IFT81: variants seen among roughly 807,000 people sequenced by gnomAD.
IFT81 encodes the protein intraflagellar transport 81, also known as intraflagellar transport protein 81 homolog.
IFT81 carries 72 observed loss-of-function variants against 102.6 expected under a neutral mutation model. The ratio of observed to expected loss-of-function variants is 0.70; its 90% CI spans 0.58 to 0.85. The LOEUF (loss-of-function observed/expected upper bound fraction) is 0.85, where lower values mean the gene tolerates loss of function less well. Among genes scored for constraint, IFT81 ranks in the 40% least tolerant of loss-of-function variants. The pLI is 0.00. For missense variants in IFT81, 723 were observed against 787.3 expected, an observed-to-expected ratio of 0.92 and a Z score of 0.98; for synonymous variants, 237 against 242.7, an observed-to-expected ratio of 0.98 and a Z score of 0.22.
At chr12:110,185,460 G>T (rs890278786) in intron 12 of IFT81, among the ~76,000 whole-genome samples, 3 of 151,992 alleles carry the variant, frequency 2.0e-5, no homozygotes, top group African/African-American at 7.3e-5. Flanking sequence ...AAAGTGCTGG[G>T]ATTACAGGTG....
rs59046016 is a variant in IFT81, at chr12:110,211,482, C to T, written c.1848+2266C>T. On this transcript the variant is annotated intron_variant, in intron 18 of 18. Transcript: ENST00000242591. ...CTAGGATTACAGACATGAGCCACCT[C>T]GTCTGGCCTTAGTTAACTTTTATAA... is the stretch of plus-strand genomic sequence containing the variant. 1.4e-3 allele frequency among the ~76,000 whole-genome samples: 210 copies of T among 152,240 alleles called. 1 individual carries two copies. The highest frequency in any genetic ancestry group is 4.9e-3 in the African/African-American group (204 of 41,534).
chr12:110,200,773 C>T (rs1266265131), intron 14 of IFT81, among the ~76,000 whole-genome samples: 1 of 151,892 alleles, frequency 6.6e-6, no homozygotes, highest in East Asian at 1.9e-4. Flanking sequence ...CATAGTGAAA[C>T]CCCATTTCTA....
chr12:110,152,111 C>A (rs1225919811), intron 10 of IFT81, among the ~76,000 whole-genome samples: 1 of 152,128 alleles, frequency 6.6e-6, no homozygotes. Flanking sequence ...GCTGCAATGA[C>A]CATGTAAATG....
At chr12:110,180,355 T>C in intron 11 of IFT81, 67 bp from the exon 12 acceptor site, 1 of 967,482 alleles carries the variant, frequency 1.0e-6, no homozygotes, top group Non-Finnish European at 1.5e-6. Flanking sequence ...ATTGAGTTTA[T>C]ACAGATGTAT....
At chr12:110,143,573 C>T in intron 9 of IFT81, 28 bp downstream of exon 9, 3 of 1,507,974 alleles carry the variant, frequency 2.0e-6, no homozygotes, top group Non-Finnish European at 2.7e-6. Flanking sequence ...TTTTATAGCT[C>T]TCAATTTTAT....
chr12:110,164,984 T>C (rs1349112256), intron 11 of IFT81, among the ~76,000 whole-genome samples: 1 of 152,154 alleles, frequency 6.6e-6, no homozygotes, highest in Non-Finnish European at 1.5e-5. Flanking sequence ...AATTCAGTGT[T>C]AGATGTTCCC....
At chr12:110,153,789 G>C (rs901436618) in intron 10 of IFT81, among the ~76,000 whole-genome samples, 1 of 143,872 alleles carries the variant, frequency 7.0e-6, no homozygotes, top group East Asian at 2.2e-4. Context: ...TTTTATTTTT[G>C]GTAGACACAG....
intron 3 of IFT81, 63 bp downstream of exon 3, chr12:110,128,212 C>A: frequency 1.0e-6 from 1 of 973,968 alleles, no homozygotes; most frequent in Non-Finnish European, 1.6e-6. Context: ...CCTTCATATA[C>A]TGCAATCAAT....
At chr12:110,200,925 G>A (rs1898233633) in intron 14 of IFT81, among the ~76,000 whole-genome samples, 8 of 151,746 alleles carry the variant, frequency 5.3e-5, no homozygotes. Context: ...ACTCCAGCCT[G>A]GGCGACAGAG....
At chr12:110,191,158 A>G in intron 13 of IFT81, 110 bp downstream of exon 13, 1 of 925,260 alleles carries the variant, frequency 1.1e-6, no homozygotes. Flanking sequence ...TGCACATTAC[A>G]TTCTTTCATC....
At chr12:110,192,093 C>T (rs1282082357) in intron 13 of IFT81, among the ~76,000 whole-genome samples, 2 of 151,786 alleles carry the variant, frequency 1.3e-5, no homozygotes, top group Non-Finnish European at 2.9e-5. Context: ...ATCACTTTAA[C>T]CTGGGAAGCA....
chr12:110,142,597 G>A (rs1894959869), intron 8 of IFT81, among the ~76,000 whole-genome samples: 1 of 151,918 alleles, frequency 6.6e-6, no homozygotes, highest in African/African-American at 2.4e-5. Flanking sequence ...TGGGTACAGT[G>A]TAATCCCAGA....
At chr12:110,199,381 T>A (rs1157363089) in intron 14 of IFT81, among the ~76,000 whole-genome samples, 1 of 152,184 alleles carries the variant, frequency 6.6e-6, no homozygotes, top group Non-Finnish European at 1.5e-5. Context: ...TCAGTTTTTC[T>A]GTTTTAGAAA....
At chr12:110,179,066 G>A (rs1012166376) in intron 11 of IFT81, among the ~76,000 whole-genome samples, 3 of 152,016 alleles carry the variant, frequency 2.0e-5, no homozygotes, top group African/African-American at 4.8e-5. Flanking sequence ...AGATAAATTA[G>A]ATAGCTATGA....
At position 110,180,631 on chromosome 12, in the gene IFT81, A is replaced by G. The variant is rs1897284290; in HGVS notation, c.1338+60A>G. ...AAATGCCAGGAGGTTTATGGGTTACAGCTTTATACTGAAGTCATTGTTTTT... is the reference window on the plus strand; with the variant it reads ...AAATGCCAGGAGGTTTATGGGTTACGGCTTTATACTGAAGTCATTGTTTTT... On this transcript the variant is annotated intron_variant, in intron 12 of 18. Transcript: ENST00000242591. The G allele has an allele frequency of 4.0e-6, 5 of 1,260,096 alleles. No individual in the cohort carries two copies. In the South Asian group the frequency reaches 6.1e-5, roughly 15 times the overall value. 78.1% of individuals were successfully genotyped at this position (1,260,096 alleles called of 1,614,324 possible). A position where few individuals can be genotyped will look rare whatever the true frequency, so the allele number is the denominator to read the frequency against.
chr12:110,206,977 C>T (rs959864359), intron 17 of IFT81, among the ~76,000 whole-genome samples: 1 of 150,752 alleles, frequency 6.6e-6, no homozygotes, highest in Non-Finnish European at 1.5e-5. Context: ...ATATAAATAG[C>T]AAAGAAGGAA....
chr12:110,218,051 G>A lies in IFT81; in HGVS notation c.1856G>A (p.Arg619Gln), dbSNP rs370199173. ...GTTTTTTTTTAATGATAGAAACTTCGGGAAAAACAAAAAGTTATACGAGAA... is the reference window on the plus strand; with the variant it reads ...GTTTTTTTTTAATGATAGAAACTTCAGGAAAAACAAAAAGTTATACGAGAA... ...AEQENLGKKL[R>Q]EKQKVIRESH... The change falls in exon 19 of 19, where the codon CGG becomes CAG. Residue 619 changes from arginine to glutamine, a missense_variant. By Grantham distance (43) the Arg-to-Gln change is conservative. Transcript: ENST00000242591. The A allele has an allele frequency of 2.3e-5, 37 of 1,591,540 alleles. No individual in the cohort carries two copies. Among genetic ancestry groups the A allele is most frequent in the African/African-American group, 2.2e-4 (16 of 73,008 alleles).
intron 8 of IFT81, among the ~76,000 whole-genome samples, chr12:110,141,728 A>G (rs1196581178): frequency 6.6e-6 from 1 of 152,096 alleles, no homozygotes; most frequent in African/African-American, 2.4e-5. Flanking sequence ...CTAAAAATAC[A>G]AAAAATTAGC....
chr12:110,181,254 G>A (rs1897306650), intron 12 of IFT81, among the ~76,000 whole-genome samples: 1 of 152,102 alleles, frequency 6.6e-6, no homozygotes, highest in African/African-American at 2.4e-5. Flanking sequence ...TTGCTTTTAG[G>A]GAACTTAAGA....
Sources: allele counts gnomAD v4.1 joint callset (sites outside exome capture counted in the v4.1 genomes callset), GRCh38; gene constraint gnomAD v4.1.1; transcripts MANE v1.5; gene names NCBI Gene and HGNC (gene_info 2026-07-23, HGNC 2026-07-21).